The following HERC5 variants were observed in gnomAD, a reference collection of about 807,000 sequenced individuals.
HERC5 encodes E3 ISG15--protein ligase HERC5.
HERC5 carries 99 observed loss-of-function variants against 119.6 expected under a neutral mutation model. That is an observed-to-expected ratio of 0.83 (90% CI 0.70 to 0.98). The LOEUF (loss-of-function observed/expected upper bound fraction) is 0.98, where lower values mean the gene tolerates loss of function less well. Among genes scored for constraint, HERC5 ranks in the 50% least tolerant of loss-of-function variants. The probability of loss-of-function intolerance (pLI) is 0.00; values close to 1 mark genes in which losing one functional copy is unlikely to be tolerated. For missense variants in HERC5, 1,267 were observed against 1,241.3 expected, an observed-to-expected ratio of 1.02 and a Z score of -0.31; for synonymous variants, 478 against 445.9, an observed-to-expected ratio of 1.07 and a Z score of -0.91.
chr4:88,468,260 AGAAGAATCT>A, intron 7 of HERC5, 77 bp from the exon 8 acceptor site: 2 of 932,930 alleles, frequency 2.1e-6, no homozygotes, highest in Non-Finnish European at 3.3e-6. Context: ...ACTACGTTTA[AGAAGAATCT>A]GAAGTTATTT....
intron 20 of HERC5, among the ~76,000 whole-genome samples, chr4:88,502,551 G>A (rs1048025098): frequency 6.6e-6 from 1 of 152,176 alleles, no homozygotes; most frequent in African/African-American, 2.4e-5. Flanking sequence ...GTGAGCCTGT[G>A]TTGTGCAGAT....
intron 17 of HERC5, among the ~76,000 whole-genome samples, chr4:88,493,536 T>C (rs1741709215): frequency 6.6e-6 from 1 of 152,204 alleles, no homozygotes; most frequent in Non-Finnish European, 1.5e-5. Context: ...AATGTATTTT[T>C]ATTGCTGGTA....
At chr4:88,464,861 C>T (rs1403365661) in intron 6 of HERC5, among the ~76,000 whole-genome samples, 6 of 152,206 alleles carry the variant, frequency 3.9e-5, no homozygotes, top group Non-Finnish European at 5.9e-5. Flanking sequence ...AGCTCCGCCT[C>T]CTGGGTTCAC....
chr4:88,463,902 T>C lies in HERC5; in HGVS notation c.828T>C (p.Gly276=). ...TFGAGKHGQL[G]HNSTQNELRP... ...GTGCTGGAAAACATGGGCAACTTGG[T>C]CATAATTCAACACAGAATGAGCTAA... The change falls in exon 6 of 23, where the codon GGT becomes GGC. Residue 276 remains glycine, a synonymous_variant. Transcript: ENST00000264350. 6.2e-7 allele frequency: 1 copy of C among 1,614,072 alleles called. No homozygotes were observed. Among genetic ancestry groups the C allele is most frequent in the Non-Finnish European group, 8.5e-7 (1 of 1,179,982 alleles).
At chr4:88,477,064 C>CA (rs1741088558) in intron 12 of HERC5, among the ~76,000 whole-genome samples, 1 of 124,766 alleles carries the variant, frequency 8.0e-6, no homozygotes, top group Non-Finnish European at 1.7e-5. Flanking sequence ...GTATTTATAG[C>CA]TTTTTTTTTT....
intron 11 of HERC5, among the ~76,000 whole-genome samples, chr4:88,474,281 G>A (rs956578700): frequency 6.6e-6 from 1 of 152,316 alleles, no homozygotes; most frequent in African/African-American, 2.4e-5. Flanking sequence ...GCAGTGAATG[G>A]TTAGCTCTTT....
At chr4:88,457,831 A>G (rs1409354384) in intron 1 of HERC5, 23 of 842,580 alleles carry the variant, frequency 2.7e-5, no homozygotes, top group Non-Finnish European at 3.5e-5. Flanking sequence ...GCTTTCTCAT[A>G]GGTTTCTGTT....
intron 22 of HERC5, among the ~76,000 whole-genome samples, chr4:88,504,846 C>G (rs1742061333): frequency 6.6e-6 from 1 of 152,148 alleles, no homozygotes; most frequent in Admixed American, 6.5e-5. Context: ...AAATATCAAG[C>G]CTTCTTTCTG....
At chr4:88,478,835 C>T (rs947319384) in intron 12 of HERC5, among the ~76,000 whole-genome samples, 4 of 152,170 alleles carry the variant, frequency 2.6e-5, no homozygotes, top group Non-Finnish European at 4.4e-5. Flanking sequence ...TGGCCTGGAA[C>T]TGCTGAGCTC....
chr4:88,487,314 C>G (rs1741499478), intron 15 of HERC5, 135 bp downstream of exon 15: 3 of 536,820 alleles, frequency 5.6e-6, no homozygotes, highest in Non-Finnish European at 6.7e-6. Flanking sequence ...AGCTTATACT[C>G]TAATGAAGAC....
At chr4:88,496,248 C>G (rs1254965286) in intron 18 of HERC5, among the ~76,000 whole-genome samples, 3 of 152,190 alleles carry the variant, frequency 2.0e-5, no homozygotes, top group East Asian at 1.9e-4. Context: ...TCTCTGTGTT[C>G]AGTAAAACTC....
At chr4:88,492,943 T>C in intron 16 of HERC5, 69 bp from the exon 17 acceptor site, 1 of 1,459,094 alleles carries the variant, frequency 6.9e-7, no homozygotes. Context: ...TTTACTATTA[T>C]TAAATGAGAC....
intron 16 of HERC5, among the ~76,000 whole-genome samples, chr4:88,491,182 A>G (rs1741627640): frequency 1.3e-5 from 2 of 152,200 alleles, no homozygotes; most frequent in African/African-American, 2.4e-5. Context: ...TCTTGCTACA[A>G]AGATTTTTAG....
At chr4:88,489,500 G>A (rs1181482631) in intron 16 of HERC5, among the ~76,000 whole-genome samples, 164 bp downstream of exon 16, 1 of 152,146 alleles carries the variant, frequency 6.6e-6, no homozygotes, top group African/African-American at 2.4e-5. Flanking sequence ...TTGGGTGATA[G>A]CTGTGGGCAC....
At chr4:88,463,141 GAAGAA>G (rs1368632107) in intron 4 of HERC5, among the ~76,000 whole-genome samples, 13 of 152,330 alleles carry the variant, frequency 8.5e-5, no homozygotes, top group Admixed American at 3.9e-4. Flanking sequence ...AAATAATCAT[GAAGAA>G]AAGAAGAGGT....
In HERC5 at chr4:88,468,363, A is replaced by G. The variant is rs1402815059; in HGVS notation, c.1075A>G (p.Lys359Glu). ...ELKLESHTSE[K>E]ELIMIAGGNQ... is the part of the protein sequence containing the mutation. ...CCTTTCAGAAAGCCATACCTCAGAA[A>G]AGGAGTTAATAATGATTGCTGGAGG... Residue 359 changes from lysine (K) to glutamate (E), a missense_variant, in exon 8 of 23, where the codon AAG becomes GAG. Physicochemically the swap from Lys to Glu is moderately conservative, Grantham distance 56 (BLOSUM62 1). Coordinates refer to ENST00000264350, the MANE Select transcript of HERC5 (RefSeq NM_016323.4). The G allele has an allele frequency of 1.2e-6, 2 of 1,610,488 alleles. No individual in the cohort carries two copies. The highest frequency in any genetic ancestry group is 2.2e-5 in the East Asian group (1 of 44,704).
At chr4:88,484,618 G>T (rs1280878007) in intron 13 of HERC5, among the ~76,000 whole-genome samples, 1 of 152,180 alleles carries the variant, frequency 6.6e-6, no homozygotes, top group Non-Finnish European at 1.5e-5. Flanking sequence ...TCAAGGTGGA[G>T]GTGGAGTGAT....
intron 18 of HERC5, among the ~76,000 whole-genome samples, chr4:88,499,139 G>T (rs1741880870): frequency 6.6e-6 from 1 of 152,126 alleles, no homozygotes; most frequent in Non-Finnish European, 1.5e-5. Context: ...GATTTCCATA[G>T]TTCTCTGGCT....
chr4:88,485,019 A>G (rs1387811513), intron 13 of HERC5, among the ~76,000 whole-genome samples: 1 of 151,570 alleles, frequency 6.6e-6, no homozygotes, highest in Non-Finnish European at 1.5e-5. Flanking sequence ...AACAATGGCT[A>G]TTTTCAACAA....
Sources: gnomAD v4.1 joint callset for allele counts (sites outside exome capture counted in the v4.1 genomes callset) on GRCh38, gnomAD v4.1.1 for gene constraint, MANE v1.5 for transcripts, NCBI Gene and HGNC (gene_info 2026-07-23, HGNC 2026-07-21) for gene names.